Variants in ZDHHC14 observed in about 807,000 individuals in gnomAD.
ZDHHC14 encodes zDHHC palmitoyltransferase 14.
ZDHHC14 carries 16 observed loss-of-function variants against 47.7 expected under a neutral mutation model. That is an observed-to-expected ratio of 0.34 (90% CI 0.23 to 0.51). The LOEUF (loss-of-function observed/expected upper bound fraction) is 0.51, where lower values mean the gene tolerates loss of function less well. Ranked by LOEUF, ZDHHC14 falls within the 20% of genes least tolerant of loss-of-function variation. The pLI, the probability that ZDHHC14 is intolerant of heterozygous loss-of-function variation, is 0.97. For missense variants in ZDHHC14, 515 were observed against 662.5 expected, an observed-to-expected ratio of 0.78 and a Z score of 2.44; for synonymous variants, 293 against 278.9, an observed-to-expected ratio of 1.05 and a Z score of -0.50.
chr6:157,640,230 A>G (rs1777185044), intron 5 of ZDHHC14, among the ~76,000 whole-genome samples: 1 of 152,238 alleles, frequency 6.6e-6, no homozygotes, highest in Non-Finnish European at 1.5e-5. Flanking sequence ...ATTTTTAATC[A>G]TGACTTATTG....
At chr6:157,522,921 C>T (rs1408221276) in intron 1 of ZDHHC14, among the ~76,000 whole-genome samples, 4 of 54,212 alleles carry the variant, frequency 7.4e-5, no homozygotes, top group African/African-American at 5.7e-4. Context: ...TCCTTCCTTC[C>T]TTTCTTTCTT....
intron 2 of ZDHHC14, among the ~76,000 whole-genome samples, chr6:157,562,844 A>T (rs1479186475): frequency 6.6e-6 from 1 of 152,156 alleles, no homozygotes; most frequent in Non-Finnish European, 1.5e-5. Context: ...TCAGCTAGGA[A>T]GCTGCTCAGG....
At chr6:157,505,672 C>G (rs966109653) in intron 1 of ZDHHC14, among the ~76,000 whole-genome samples, 1 of 152,132 alleles carries the variant, frequency 6.6e-6, no homozygotes, top group Non-Finnish European at 1.5e-5. Context: ...TTATTAAAAC[C>G]CTGACGTCCT....
chr6:157,627,712 A>G (rs547075661), intron 3 of ZDHHC14, among the ~76,000 whole-genome samples: 1 of 152,356 alleles, frequency 6.6e-6, no homozygotes, highest in Non-Finnish European at 1.5e-5. Flanking sequence ...TCTGAGCTGA[A>G]TGGCCCCGTG....
intron 7 of ZDHHC14, among the ~76,000 whole-genome samples, 164 bp downstream of exon 7, chr6:157,647,532 C>T (rs1471590192): frequency 2.6e-5 from 4 of 152,198 alleles, no homozygotes; most frequent in East Asian, 1.9e-4. Context: ...GGCTGTTTGT[C>T]GTGTCACACT....
chr6:157,588,578 G>A (rs1227450485), intron 2 of ZDHHC14, among the ~76,000 whole-genome samples: 1 of 152,234 alleles, frequency 6.6e-6, no homozygotes, highest in Non-Finnish European at 1.5e-5. Context: ...GCCCTGCTTG[G>A]GGGCAGAATG....
At chr6:157,508,646 G>A (rs1338786559) in intron 1 of ZDHHC14, among the ~76,000 whole-genome samples, 1 of 152,126 alleles carries the variant, frequency 6.6e-6, no homozygotes, top group Admixed American at 6.5e-5. Flanking sequence ...CCAAAGTGCT[G>A]GGATTAAAGG....
At chr6:157,481,011 T>A (rs1175098445) in intron 1 of ZDHHC14, among the ~76,000 whole-genome samples, 1 of 152,218 alleles carries the variant, frequency 6.6e-6, no homozygotes, top group Non-Finnish European at 1.5e-5. Flanking sequence ...CTAAGTAAGC[T>A]GAAACAGATT....
chr6:157,456,083 C>T (rs185174365), intron 1 of ZDHHC14, among the ~76,000 whole-genome samples: 2 of 152,268 alleles, frequency 1.3e-5, no homozygotes, highest in East Asian at 1.9e-4. Flanking sequence ...GCAGATTGCG[C>T]CCTCCGTTAT....
chr6:157,402,463 G>T (rs890675122), intron 1 of ZDHHC14, among the ~76,000 whole-genome samples: 3 of 152,230 alleles, frequency 2.0e-5, no homozygotes, highest in African/African-American at 7.2e-5. Flanking sequence ...CACCTGCTGA[G>T]GTCTCAGCTG....
intron 1 of ZDHHC14, among the ~76,000 whole-genome samples, chr6:157,513,359 C>T (rs921813708): frequency 1.3e-5 from 2 of 152,332 alleles, no homozygotes; most frequent in African/African-American, 2.4e-5. Flanking sequence ...GTGGTGGTGG[C>T]GTCCACACCT....
intron 1 of ZDHHC14, among the ~76,000 whole-genome samples, chr6:157,425,382 TG>T (rs1386349511): frequency 6.6e-6 from 1 of 152,232 alleles, no homozygotes; most frequent in Non-Finnish European, 1.5e-5. Context: ...GGTTTTTAGC[TG>T]TATAGGCATA....
At chr6:157,633,328 G>T (rs1172439702) in intron 5 of ZDHHC14, among the ~76,000 whole-genome samples, 1 of 152,122 alleles carries the variant, frequency 6.6e-6, no homozygotes, top group Non-Finnish European at 1.5e-5. Flanking sequence ...TTGCCATTCG[G>T]ATTACTGTAT....
chr6:157,628,467 T>C lies in ZDHHC14; in HGVS notation c.684T>C (p.Val228=), dbSNP rs1237645962. The C allele has an allele frequency of 6.2e-7, 1 of 1,612,858 alleles. No individual in the cohort carries two copies. Among genetic ancestry groups the C allele is most frequent in the South Asian group, 1.1e-5 (1 of 90,714 alleles). ...SFLTVFIFAF[V]ITHVILRSQQ... is the part of the protein sequence containing the mutation. ...TGACAGTCTTTATATTTGCATTCGT[T>C]ATCACCCACGTCATTCTTCGTAAGT... Residue 228 remains valine (V), a synonymous_variant, in exon 4 of 9, where the codon GTT becomes GTC. Coordinates refer to ENST00000359775, the MANE Select transcript of ZDHHC14 (RefSeq NM_024630.3).
chr6:157,619,301 G>A (rs1160550233), intron 3 of ZDHHC14, among the ~76,000 whole-genome samples: 1 of 152,078 alleles, frequency 6.6e-6, no homozygotes, highest in African/African-American at 2.4e-5. Flanking sequence ...TGAGGCAAGA[G>A]AATCACTTGA....
At chr6:157,405,618 T>C (rs1026003927) in intron 1 of ZDHHC14, among the ~76,000 whole-genome samples, 4 of 152,168 alleles carry the variant, frequency 2.6e-5, no homozygotes, top group African/African-American at 9.7e-5. Flanking sequence ...GGGTTGATAT[T>C]AATAATAATG....
intron 1 of ZDHHC14, among the ~76,000 whole-genome samples, chr6:157,412,755 G>A (rs1232795377): frequency 3.3e-5 from 5 of 152,242 alleles, no homozygotes; most frequent in East Asian, 1.9e-4. Flanking sequence ...AGGAGACCAC[G>A]TAGGTGCACG....
Position 157,593,036 on chromosome 6 carries a change from C to G in ZDHHC14, c.455C>G (p.Thr152Ser), listed in dbSNP as rs755811326. 3.2e-5 allele frequency: 51 copies of G among 1,614,066 alleles called. No individual in the cohort carries two copies. The highest frequency in any genetic ancestry group is 4.0e-5 in the Non-Finnish European group (47 of 1,180,030). Residue 152 changes from threonine to serine, a missense_variant, in exon 3 of 9, where the codon ACC (threonine) becomes AGC (serine). Thr to Ser is a moderately conservative substitution (Grantham distance 58, BLOSUM62 1). Coordinates refer to ENST00000359775, the MANE Select transcript of ZDHHC14 (RefSeq NM_024630.3). Reference sequence around the variant, plus strand: ...GGGGGGTACCGCCCGCCTCCCAGAACCAAAGAAGTCATCATCAATGGCCAG... The same window carrying G: ...GGGGGGTACCGCCCGCCTCCCAGAAGCAAAGAAGTCATCATCAATGGCCAG... ...SSGGYRPPPR[T>S]KEVIINGQTV...
intron 8 of ZDHHC14, among the ~76,000 whole-genome samples, chr6:157,659,613 G>A (rs1263542788): frequency 6.6e-6 from 1 of 152,154 alleles, no homozygotes; most frequent in Non-Finnish European, 1.5e-5. Context: ...ATGACCAGCA[G>A]TGCCTGGCCG....
Sources: gnomAD v4.1 joint callset for allele counts (sites outside exome capture counted in the v4.1 genomes callset) on GRCh38, gnomAD v4.1.1 for gene constraint, MANE v1.5 for transcripts, NCBI Gene and HGNC (gene_info 2026-07-23, HGNC 2026-07-21) for gene names.